The following IPO5 variants were observed in gnomAD, a reference collection of about 807,000 sequenced individuals.
IPO5 encodes importin-5.
In IPO5, 18 loss-of-function variants were observed where a neutral mutation model predicts 143.3. The ratio of observed to expected loss-of-function variants is 0.13; its 90% CI spans 0.09 to 0.19. The LOEUF (loss-of-function observed/expected upper bound fraction) is 0.19. IPO5 is among the 10% of genes least tolerant of loss of function. The pLI, the probability that IPO5 is intolerant of heterozygous loss-of-function variation, is 1.00. For missense variants in IPO5, 1,013 were observed against 1,336.9 expected (o/e 0.76, Z 3.78); for synonymous variants, 477 against 465.7 (o/e 1.02, Z -0.31).
At chr13:97,957,926 A>C (rs2139468044) in intron 2 of IPO5, among the ~76,000 whole-genome samples, 1 of 152,218 alleles carries the variant, frequency 6.6e-6, no homozygotes, top group African/African-American at 2.4e-5. Context: ...TGGAGATTGC[A>C]GTGAGCCGAG....
At chr13:97,974,103 T>C (rs1184664408) in intron 3 of IPO5, among the ~76,000 whole-genome samples, 1 of 152,008 alleles carries the variant, frequency 6.6e-6, no homozygotes, top group Non-Finnish European at 1.5e-5. Flanking sequence ...GTAACAAATA[T>C]CTGCAAACTT....
intron 2 of IPO5, chr13:97,960,418 A>C (rs2139484169): frequency 6.6e-6 from 1 of 152,326 alleles, no homozygotes; most frequent in Admixed American, 6.5e-5. Flanking sequence ...AAATACTGTG[A>C]ATGATAGGGG....
chr13:97,981,849 G>A (rs1251749321), intron 4 of IPO5, among the ~76,000 whole-genome samples: 1 of 152,154 alleles, frequency 6.6e-6, no homozygotes, highest in Non-Finnish European at 1.5e-5. Flanking sequence ...CCAATTTGTT[G>A]TGATTTTACA....
At chr13:98,009,124 T>C (rs754843450) in intron 18 of IPO5, among the ~76,000 whole-genome samples, 4 of 152,120 alleles carry the variant, frequency 2.6e-5, no homozygotes, top group Non-Finnish European at 4.4e-5. Flanking sequence ...AGCCAGCATA[T>C]AGTTTAATGC....
chr13:98,005,939 T>C (rs1236432192), intron 16 of IPO5, among the ~76,000 whole-genome samples, 191 bp from the exon 17 acceptor site: 2 of 152,110 alleles, frequency 1.3e-5, no homozygotes, highest in Non-Finnish European at 2.9e-5. Flanking sequence ...AAAAAAAATC[T>C]CACATAAATA....
At chr13:98,005,591 A>G (rs1889172898) in intron 16 of IPO5, among the ~76,000 whole-genome samples, 1 of 151,990 alleles carries the variant, frequency 6.6e-6, no homozygotes, top group African/African-American at 2.4e-5. Context: ...GGGTCAGAGA[A>G]CACCAGATCT....
intron 2 of IPO5, among the ~76,000 whole-genome samples, chr13:97,960,717 C>T (rs2139486310): frequency 6.6e-6 from 1 of 152,084 alleles, no homozygotes; most frequent in South Asian, 2.1e-4. Flanking sequence ...CACCACTACG[C>T]CCAGCTAACT....
chr13:97,953,846 C>T (rs1001791009), intron 1 of IPO5, 130 bp downstream of exon 1: 1 of 449,950 alleles, frequency 2.2e-6, no homozygotes, highest in South Asian at 1.6e-5. Context: ...TTTAGCTCGT[C>T]TCCTGACGTC....
At chr13:97,997,494 T>G in intron 11 of IPO5, 37 bp from the exon 12 acceptor site, 1 of 1,184,594 alleles carries the variant, frequency 8.4e-7, no homozygotes, top group Non-Finnish European at 1.2e-6. Context: ...TAAGATAAAG[T>G]CACAGTCTTC....
intron 5 of IPO5, among the ~76,000 whole-genome samples, chr13:97,984,992 A>G (rs1177886826): frequency 6.6e-6 from 1 of 152,220 alleles, no homozygotes; most frequent in Non-Finnish European, 1.5e-5. Flanking sequence ...GATGCTAATG[A>G]AAGGGCGGTT....
intron 2 of IPO5, among the ~76,000 whole-genome samples, chr13:97,955,959 CGT>C (rs1884425036): frequency 6.6e-6 from 1 of 152,008 alleles, no homozygotes. Flanking sequence ...GGTGAAACCC[CGT>C]CTCTACTAAA....
intron 22 of IPO5, among the ~76,000 whole-genome samples, chr13:98,015,274 T>TCC (rs1156333583): frequency 4.7e-5 from 4 of 84,228 alleles, no homozygotes; most frequent in Non-Finnish European, 1.2e-4. Flanking sequence ...GTGTGTGTTT[T>TCC]CCATCTTTGA....
chr13:97,988,986 G>T, intron 6 of IPO5, 76 bp from the exon 7 acceptor site: 1 of 765,746 alleles, frequency 1.3e-6, no homozygotes. Context: ...TGAGGCTTAT[G>T]AAATGAAAGG....
chr13:98,003,072 G>A (rs1253460141), intron 16 of IPO5, 35 bp downstream of exon 16: 2 of 1,533,156 alleles, frequency 1.3e-6, no homozygotes, highest in Non-Finnish European at 1.8e-6. Context: ...CTTTCTGTTT[G>A]TAGATTAATT....
Position 98,021,076 on chromosome 13 carries a change from A to C in IPO5, c.3150A>C (p.Ala1050=). Residue 1050 remains alanine, a synonymous_variant, in exon 28 of 29, where the codon GCA becomes GCC. Transcript: ENST00000651721. ...SIIAEGEMHE[A]IKHEDPCAKR... Reference sequence around the variant, plus strand: ...TTGCGGAAGGAGAAATGCACGAGGCAATTAAACATGAAGATCCTTGTGCCA... The same window carrying C: ...TTGCGGAAGGAGAAATGCACGAGGCCATTAAACATGAAGATCCTTGTGCCA... The C allele has an allele frequency of 6.2e-7, 1 of 1,611,798 alleles. No homozygotes were observed. The highest frequency in any genetic ancestry group is 8.5e-7 in the Non-Finnish European group (1 of 1,179,300).
intron 3 of IPO5, 98 bp from the exon 4 acceptor site, chr13:97,976,595 T>C (rs894134994): frequency 1.1e-5 from 3 of 262,152 alleles, no homozygotes; most frequent in African/African-American, 7.3e-5. Flanking sequence ...CCGCCGCTGG[T>C]GCCGGTCCCC....
chr13:97,985,480 C>G lies in IPO5; in HGVS notation c.231C>G (p.Val77=). Residue 77 remains valine, a synonymous_variant, in exon 6 of 29, where the codon GTC becomes GTG. Transcript: ENST00000651721. The stretch of plus-strand genomic sequence containing the variant: ...TCTTGTCCTCTGCATTTGATGAAGT[C>G]TATCCAGCACTTCCCTCTGATGTTC... The part of the protein sequence containing the change: ...RRLLSSAFDE[V]YPALPSDVQT... The G allele has an allele frequency of 6.2e-7, 1 of 1,614,040 alleles. No homozygotes were observed. The highest frequency in any genetic ancestry group is 8.5e-7 in the Non-Finnish European group (1 of 1,179,942).
At chr13:98,012,809 T>TTTTTTTTTTTTTTTTTTTG (rs1566561259) in intron 21 of IPO5, among the ~76,000 whole-genome samples, 1 of 146,580 alleles carries the variant, frequency 6.8e-6, no homozygotes, top group East Asian at 2.4e-4. Flanking sequence ...TGATTTTTTT[T>TTTTTTTTTTTTTTTTTTTG]TTTTTTTTTT....
chr13:97,979,296 T>C (rs1056206207), intron 4 of IPO5, among the ~76,000 whole-genome samples: 1 of 152,198 alleles, frequency 6.6e-6, no homozygotes, highest in Non-Finnish European at 1.5e-5. Context: ...TAAGGTGACT[T>C]TTGTATTCAA....
Sources: allele counts gnomAD v4.1 joint callset (sites outside exome capture counted in the v4.1 genomes callset), GRCh38; gene constraint gnomAD v4.1.1; transcripts MANE v1.5; gene names NCBI Gene and HGNC (gene_info 2026-07-23, HGNC 2026-07-21).